Variants in ACSL4 observed in about 807,000 individuals in gnomAD.
The protein encoded by ACSL4 is acyl-CoA synthetase long chain family member 4, also known as long-chain-fatty-acid--CoA ligase 4.
ACSL4 carries 9 observed loss-of-function variants against 49.1 expected under a neutral mutation model. The ratio of observed to expected loss-of-function variants is 0.18; its 90% CI spans 0.11 to 0.32. ACSL4 has a LOEUF of 0.32. Ranked by LOEUF, ACSL4 falls within the 10% of genes least tolerant of loss-of-function variation. ACSL4 has a pLI of 1.00. For synonymous variants in ACSL4, 191 were observed against 170.3 expected, an observed-to-expected ratio of 1.12 and a Z score of -0.95; for missense variants, 333 against 493.7, an observed-to-expected ratio of 0.67 and a Z score of 3.08.
rs763010726 is a variant in ACSL4 at position 109,678,021 on chromosome X, A to G, written c.897T>C (p.Ile299=). 27 of 1,209,952 alleles carry G rather than the reference A, an allele frequency of 2.2e-5. No individual in the cohort carries two copies. The highest frequency in any genetic ancestry group is 1.0e-5 in the Non-Finnish European group (9 of 895,017). ...EISCFTYGCR[I]GYSSPLTLSD... ...AGAGTGTAAGCGGAGAAGAATATCCAATCCTGCAGCCATAGGTAAAGCAAG... is the reference window on the plus strand; with the variant it reads ...AGAGTGTAAGCGGAGAAGAATATCCGATCCTGCAGCCATAGGTAAAGCAAG... The change falls in exon 8 of 16, where the codon ATT becomes ATC. Residue 299 remains isoleucine, a synonymous_variant. Coordinates refer to ENST00000672401, the MANE Select transcript of ACSL4 (RefSeq NM_001318510.2).
intron 15 of ACSL4, among the ~76,000 whole-genome samples, chrX:109,646,856 A>C (rs1466162407): frequency 9.0e-6 from 1 of 110,873 alleles, no homozygotes; most frequent in Admixed American, 9.6e-5. Flanking sequence ...AACAAAAAAA[A>C]GGCAGGGGTT....
chrX:109,644,024 A>T lies in ACSL4; in HGVS notation c.*5T>A. The T allele has an allele frequency of 8.3e-7, 1 of 1,211,322 alleles. No individual in the cohort carries two copies. Among genetic ancestry groups the T allele is most frequent in the Non-Finnish European group, 1.1e-6 (1 of 895,101 alleles). On this transcript the variant is annotated 3_prime_UTR_variant, in exon 16 of 16. Transcript: ENST00000672401. ...CTGCACAACTGTCAATAAGACAACA[A>T]CATTTTATTTGCCCCCATACATTCG...
intron 15 of ACSL4, among the ~76,000 whole-genome samples, chrX:109,644,521 C>A (rs1934555889): frequency 8.9e-6 from 1 of 111,954 alleles, no homozygotes; most frequent in Non-Finnish European, 1.9e-5. Flanking sequence ...CACATACACA[C>A]ACATCTTCCT....
At chrX:109,726,857 TTTG>T (rs745771367) in intron 1 of ACSL4, among the ~76,000 whole-genome samples, 32 of 108,836 alleles carry the variant, frequency 2.9e-4, no homozygotes, top group African/African-American at 5.0e-4. Context: ...TTTGTTGTTT[TTTG>T]TTGTTGTTGT....
chrX:109,664,086 AG>A (rs1922424729), intron 12 of ACSL4, among the ~76,000 whole-genome samples: 1 of 111,726 alleles, frequency 9.0e-6, no homozygotes, highest in African/African-American at 3.2e-5. Context: ...GATTAAAATC[AG>A]GGTTCCTTTC....
Position 109,732,611 on chromosome X carries a change from T to C in ACSL4, c.-66+528A>G, listed in dbSNP as rs949337138. On this transcript the variant is annotated intron_variant, in intron 1 of 15. Coordinates refer to ENST00000672401, the MANE Select transcript of ACSL4 (RefSeq NM_001318510.2). ...TAAGCCTACGGAAGCTAGGAAGATATCGGAAGCAAGGAAGATATCGGAAGC... is the reference window on the plus strand; with the variant it reads ...TAAGCCTACGGAAGCTAGGAAGATACCGGAAGCAAGGAAGATATCGGAAGC... Among the ~76,000 whole-genome samples, 7 of 111,516 alleles carry C rather than the reference T, an allele frequency of 6.3e-5. No homozygotes were observed. The East Asian group carries it at 2.0e-3, about 31-fold the overall frequency.
intron 1 of ACSL4, among the ~76,000 whole-genome samples, chrX:109,699,569 A>G (rs1177897999): frequency 8.9e-6 from 1 of 111,845 alleles, no homozygotes; most frequent in Non-Finnish European, 1.9e-5. Context: ...ATCAAGAAAT[A>G]CAGGTCAAAA....
intron 1 of ACSL4, among the ~76,000 whole-genome samples, chrX:109,724,957 A>G (rs973453561): frequency 1.3e-4 from 14 of 107,098 alleles, no homozygotes; most frequent in Non-Finnish European, 2.5e-4. Flanking sequence ...GGGTTTCACC[A>G]TGTTGCCCAG....
chrX:109,663,915 G>T (rs1040821377), intron 12 of ACSL4, among the ~76,000 whole-genome samples: 3 of 111,298 alleles, frequency 2.7e-5, no homozygotes, highest in African/African-American at 9.8e-5. Context: ...GGCCAGTCAT[G>T]ACTTTAGAAG....
At position 109,669,123 on chromosome X, in the gene ACSL4, C is replaced by T; in HGVS notation, c.1053G>A (p.Met351Ile). ...TGAACAGAGTTTTCTGAATATAATT[C>T]ATCTCTTGGACTTTGCTCATAACAT... The part of the protein sequence containing the change: ...YKNVMSKVQE[M>I]NYIQKTLFKI... The change falls in exon 10 of 16, where the codon ATG becomes ATA. Residue 351 changes from methionine to isoleucine, a missense_variant. Coordinates refer to ENST00000672401, the MANE Select transcript of ACSL4 (RefSeq NM_001318510.2). 1 of 1,176,766 alleles carries T rather than the reference C, an allele frequency of 8.5e-7. No individual in the cohort carries two copies. The highest frequency in any genetic ancestry group is 1.2e-6 in the Non-Finnish European group (1 of 865,687).
At chrX:109,644,768 C>T (rs1381905866) in intron 15 of ACSL4, among the ~76,000 whole-genome samples, 1 of 112,896 alleles carries the variant, frequency 8.9e-6, no homozygotes, top group Non-Finnish European at 1.9e-5. Context: ...ATCTGAGGTA[C>T]CAGGTTCATC....
chrX:109,710,875 C>T (rs777796196), intron 1 of ACSL4, among the ~76,000 whole-genome samples: 35 of 111,229 alleles, frequency 3.1e-4, no homozygotes, highest in Non-Finnish European at 5.7e-4. Context: ...ATCCAGCTAA[C>T]TTATTTTTTT....
chrX:109,703,683 G>A (rs5943419), intron 1 of ACSL4, among the ~76,000 whole-genome samples: 45,366 of 110,655 alleles, frequency 0.41, 8,017 homozygotes, highest in Middle Eastern at 0.6. Context: ...TGTAATCCCA[G>A]CACTTTGGGA....
intron 1 of ACSL4, among the ~76,000 whole-genome samples, chrX:109,703,902 G>A (rs1038819524): frequency 2.7e-5 from 3 of 109,794 alleles, no homozygotes; most frequent in African/African-American, 1.0e-4. Flanking sequence ...ACTGCAGAGC[G>A]AGACTCCATC....
At chrX:109,675,031 G>A (rs756590346) in intron 8 of ACSL4, among the ~76,000 whole-genome samples, 146 of 112,326 alleles carry the variant, frequency 1.3e-3, no homozygotes, top group African/African-American at 4.5e-3. Context: ...TGGTTCTCCC[G>A]ATAGAACTAA....
intron 15 of ACSL4, among the ~76,000 whole-genome samples, chrX:109,647,606 T>C (rs2147356273): frequency 9.0e-6 from 1 of 110,717 alleles, no homozygotes; most frequent in East Asian, 2.8e-4. Flanking sequence ...ACATCAAAAT[T>C]AAAAGAACTA....
chrX:109,704,141 T>G (rs909610616), intron 1 of ACSL4, among the ~76,000 whole-genome samples: 1 of 111,444 alleles, frequency 9.0e-6, no homozygotes, highest in African/African-American at 3.3e-5. Context: ...CTATGCCATA[T>G]TCACATTCTC....
At chrX:109,727,642 G>A (rs1189000116) in intron 1 of ACSL4, among the ~76,000 whole-genome samples, 1 of 100,979 alleles carries the variant, frequency 9.9e-6, no homozygotes, top group African/African-American at 3.6e-5. Context: ...TAAAAAGTCA[G>A]GGTAGTTTGT....
chrX:109,717,791 T>C (rs1365740114), intron 1 of ACSL4, among the ~76,000 whole-genome samples: 2 of 112,099 alleles, frequency 1.8e-5, no homozygotes, highest in Non-Finnish European at 3.8e-5. Context: ...ACCCTTTGAA[T>C]GCGAGGACAT....
Sources: allele counts gnomAD v4.1 joint callset (sites outside exome capture counted in the v4.1 genomes callset), GRCh38; gene constraint gnomAD v4.1.1; transcripts MANE v1.5; gene names NCBI Gene and HGNC (gene_info 2026-07-23, HGNC 2026-07-21).